NAV3: variants seen among roughly 807,000 people sequenced by gnomAD.
NAV3 encodes the protein pore membrane and/or filament interacting like protein 1.
Under a neutral mutation model 244.7 loss-of-function variants are expected in NAV3, and 87 were observed. The ratio of observed to expected loss-of-function variants is 0.36; its 90% confidence interval spans 0.30 to 0.42. The LOEUF is 0.42. Ranked by LOEUF, NAV3 falls within the 20% of genes least tolerant of loss-of-function variation. The probability of loss-of-function intolerance (pLI) is 1.00; values close to 1 mark genes in which losing one functional copy is unlikely to be tolerated. For missense variants in NAV3, 2,663 were observed against 2,893.3 expected (o/e 0.92, Z 1.83); for synonymous variants, 1,126 against 1,042.2 (o/e 1.08, Z -1.55).
intron 2 of NAV3, among the ~76,000 whole-genome samples, chr12:77,712,465 G>A (rs921407766): frequency 3.3e-5 from 5 of 152,096 alleles, no homozygotes; most frequent in African/African-American, 2.4e-5. Flanking sequence ...AACAAAAAGA[G>A]GCCAGTCTTT....
chr12:77,722,292 CCT>C (rs756353378), intron 2 of NAV3, among the ~76,000 whole-genome samples: 2 of 151,972 alleles, frequency 1.3e-5, no homozygotes, highest in African/African-American at 2.4e-5. Context: ...TTATAATCAT[CCT>C]TTTTTCAGGA....
chr12:77,648,948 C>T (rs1872713098), intron 2 of NAV3, among the ~76,000 whole-genome samples: 1 of 152,030 alleles, frequency 6.6e-6, no homozygotes, highest in African/African-American at 2.4e-5. Flanking sequence ...GGAAATAGGA[C>T]AGTATGAGGA....
chr12:78,147,597 G>A (rs1207931627), intron 21 of NAV3, among the ~76,000 whole-genome samples: 1 of 142,278 alleles, frequency 7.0e-6, no homozygotes, highest in African/African-American at 2.7e-5. Flanking sequence ...TTTAGACTGG[G>A]GTGTATCTGT....
intron 8 of NAV3, among the ~76,000 whole-genome samples, chr12:78,017,836 C>T (rs540266845): frequency 6.6e-6 from 1 of 152,242 alleles, no homozygotes; most frequent in South Asian, 2.1e-4. Context: ...TTTAACTCAA[C>T]TTCTTTGATC....
intron 2 of NAV3, among the ~76,000 whole-genome samples, chr12:77,628,952 C>T (rs944796653): frequency 6.6e-6 from 1 of 150,502 alleles, no homozygotes; most frequent in Non-Finnish European, 1.5e-5. Flanking sequence ...CTGCATTTTA[C>T]AGAATTACAA....
intron 9 of NAV3, among the ~76,000 whole-genome samples, chr12:78,047,059 CT>C (rs1331487788): frequency 2.0e-5 from 3 of 152,114 alleles, no homozygotes; most frequent in Non-Finnish European, 4.4e-5. Context: ...GTAACCCCTG[CT>C]TTTATTTGCT....
chr12:78,051,697 A>G (rs940454709), intron 11 of NAV3, among the ~76,000 whole-genome samples: 2 of 152,170 alleles, frequency 1.3e-5, no homozygotes, highest in Admixed American at 1.3e-4. Context: ...GTCCTATTAC[A>G]TTCCAAAACA....
intron 2 of NAV3, among the ~76,000 whole-genome samples, chr12:77,606,256 G>T (rs964881251): frequency 6.6e-6 from 1 of 152,118 alleles, no homozygotes; most frequent in African/African-American, 2.4e-5. Context: ...GAATATTAGT[G>T]TTTGCCATTT....
chr12:77,605,214 A>G (rs1870617179), intron 2 of NAV3, among the ~76,000 whole-genome samples: 1 of 152,132 alleles, frequency 6.6e-6, no homozygotes, highest in Non-Finnish European at 1.5e-5. Flanking sequence ...AATCATCTCA[A>G]TAAAGCTTCT....
chr12:78,122,465 C>G (rs1243641824), intron 16 of NAV3, 37 bp downstream of exon 16: 3 of 1,540,124 alleles, frequency 1.9e-6, no homozygotes, highest in Middle Eastern at 1.9e-4. Context: ...CATCTTCCCC[C>G]TCTTCCCTGC....
chr12:78,183,765 A>G (rs968154629), intron 30 of NAV3, among the ~76,000 whole-genome samples: 2 of 151,918 alleles, frequency 1.3e-5, no homozygotes, highest in African/African-American at 4.8e-5. Flanking sequence ...TATGTGGATC[A>G]ACAATCAGGC....
chr12:78,111,496 A>G (rs989935744), intron 12 of NAV3, among the ~76,000 whole-genome samples: 8 of 152,166 alleles, frequency 5.3e-5, no homozygotes, highest in African/African-American at 1.9e-4. Context: ...CAAATTTCCA[A>G]TAAATACATG....
chr12:78,002,372 G>A (rs1873455803), intron 7 of NAV3, among the ~76,000 whole-genome samples: 1 of 152,156 alleles, frequency 6.6e-6, no homozygotes, highest in Non-Finnish European at 1.5e-5. Flanking sequence ...TCACTGAACA[G>A]GGCTTCCTTC....
rs2137253743 is a variant in NAV3, at chr12:78,050,944, C to T, written c.2313C>T (p.Phe771=). Residue 771 remains phenylalanine, a synonymous_variant, in exon 11 of 40, where the codon TTC becomes TTT. Transcript: ENST00000397909. ...ATCCTCGCAGTGGTACCAGTCGATTCATCCACACAGACCCCTCGAGGTTCA... is the reference window on the plus strand; with the variant it reads ...ATCCTCGCAGTGGTACCAGTCGATTTATCCACACAGACCCCTCGAGGTTCA... ...AGYPRSGTSR[F]IHTDPSRFMY... The T allele has an allele frequency of 1.2e-6, 2 of 1,614,092 alleles. No individual in the cohort carries two copies. Among genetic ancestry groups the T allele is most frequent in the African/African-American group, 1.3e-5 (1 of 75,042 alleles).
Position 78,200,502 on chromosome 12 carries a change from G to A in NAV3, c.6745G>A (p.Asp2249Asn), listed in dbSNP as rs2140029888. 6.3e-7 allele frequency: 1 copy of A among 1,593,486 alleles called. No homozygotes were observed. The change falls in exon 38 of 40, where the codon GAT (aspartate) becomes AAT (asparagine). Residue 2249 changes from aspartate (D) to asparagine (N), a missense_variant. By Grantham distance (23) the Asp-to-Asn change is conservative. Around this residue, in one of 6 missense-constraint regions of NAV3, gnomAD observed 543 missense variants for 672.4 expected, o/e 0.81. Coordinates refer to ENST00000397909, the MANE Select transcript of NAV3 (RefSeq NM_001024383.2). ...CCGACTATTCCTTCCTTGCCCCATG[G>A]ATGTAGAAGGTTCTAGAGTATGGTT... ...GPRLFLPCPM[D>N]VEGSRVWFMD...
intron 4 of NAV3, among the ~76,000 whole-genome samples, chr12:77,967,206 T>G (rs2137963387): frequency 6.6e-6 from 1 of 152,156 alleles, no homozygotes; most frequent in Non-Finnish European, 1.5e-5. Flanking sequence ...AAAACCTTTA[T>G]TAATATCAGC....
chr12:78,112,876 C>T (rs1372409635), intron 12 of NAV3, among the ~76,000 whole-genome samples: 1 of 152,144 alleles, frequency 6.6e-6, no homozygotes, highest in African/African-American at 2.4e-5. Context: ...AGGCAAGTCC[C>T]TTCTGCCTAT....
At chr12:77,754,480 C>T (rs964105575) in intron 2 of NAV3, among the ~76,000 whole-genome samples, 2 of 152,164 alleles carry the variant, frequency 1.3e-5, no homozygotes, top group Non-Finnish European at 2.9e-5. Flanking sequence ...TTTACTTAGT[C>T]TTCCCTTTTC....
chr12:77,760,831 A>T (rs1869424776), intron 2 of NAV3, among the ~76,000 whole-genome samples: 1 of 152,176 alleles, frequency 6.6e-6, no homozygotes, highest in African/African-American at 2.4e-5. Flanking sequence ...AATTACGAGT[A>T]CTAGGAGGCA....
Sources: gnomAD v4.1 joint callset for allele counts (sites outside exome capture counted in the v4.1 genomes callset) on GRCh38, gnomAD v4.1.1 for gene constraint, gnomAD v4.1.1 regional missense constraint, MANE v1.5 for transcripts, NCBI Gene and HGNC (gene_info 2026-07-23, HGNC 2026-07-21) for gene names.